The following GYG2 variants were observed in gnomAD, a reference collection of about 807,000 sequenced individuals.
GYG2 encodes glycogenin 2.
GYG2 carries 29 observed loss-of-function variants against 29.4 expected under a neutral mutation model. That is an observed-to-expected ratio of 0.99 (90% CI 0.74 to 1.35). The LOEUF (loss-of-function observed/expected upper bound fraction) is 1.35, where lower values mean the gene tolerates loss of function less well. Ranked by LOEUF, GYG2 falls within the 40% of genes most tolerant of loss-of-function variation. GYG2 has a pLI of 0.00. For missense variants in GYG2, 370 were observed against 385.7 expected (o/e 0.96, Z 0.34); for synonymous variants, 167 against 172.3 (o/e 0.97, Z 0.24).
At chrX:2,861,781 C>G (rs2088175678) in intron 8 of GYG2, 59 bp downstream of exon 8, 1 of 925,190 alleles carries the variant, frequency 1.1e-6, no homozygotes, top group South Asian at 2.1e-5. Context: ...AGTGAGAGAG[C>G]AGAGAGAGCC....
At chrX:2,857,297 T>A (rs930471361) in intron 6 of GYG2, among the ~76,000 whole-genome samples, 1 of 109,024 alleles carries the variant, frequency 9.2e-6, no homozygotes, top group African/African-American at 3.3e-5. Flanking sequence ...ATCTTATCTA[T>A]CTATCTATCT....
At chrX:2,831,485 A>G (rs1404771185) in intron 2 of GYG2, among the ~76,000 whole-genome samples, 1 of 111,745 alleles carries the variant, frequency 8.9e-6, no homozygotes, top group Non-Finnish European at 1.9e-5. Flanking sequence ...AGAGATGAAA[A>G]TTGTCGGGGC....
intron 2 of GYG2, among the ~76,000 whole-genome samples, chrX:2,832,463 T>C (rs1189239761): frequency 2.7e-5 from 3 of 112,062 alleles, no homozygotes; most frequent in African/African-American, 9.7e-5. Flanking sequence ...TGGGCAGGGC[T>C]GGTTCCTCCT....
rs746751288 is a variant in GYG2, at chrX:2,876,675, G to A, written c.1144-525G>A. Among the ~76,000 whole-genome samples the A allele has an allele frequency of 3.7e-3, 414 of 110,716 alleles. 3 individuals are homozygous for A. The highest frequency in any genetic ancestry group is 0.011 in the African/African-American group (343 of 30,501). On this transcript the variant is annotated intron_variant, in intron 9 of 10. Coordinates refer to ENST00000398806, the MANE Select transcript of GYG2 (RefSeq NM_001079855.2). ...AAAAAAGTTAATTATAGTGCCGGCC[G>A]CGGTGGCTCACGCCTGTAATCCCAG... is the stretch of plus-strand genomic sequence containing the variant.
chrX:2,878,123 C>T (rs1421342820), intron 10 of GYG2: 3 of 745,498 alleles, frequency 4.0e-6, no homozygotes, highest in South Asian at 6.8e-5. Context: ...TCAGCATGTT[C>T]CATCCTTGTG....
rs531854502 is a variant in GYG2 at position 2,878,169 on chromosome X, T to G, written c.1251+862T>G. On this transcript the variant is annotated intron_variant, in intron 10 of 10. Coordinates refer to ENST00000398806, the MANE Select transcript of GYG2 (RefSeq NM_001079855.2). ...GAGGCTCTGTGAATTGAATCTGTAG[T>G]TATTAGTGAGTGACAGGGCATCAGT... The G allele has an allele frequency of 1.4e-4, 101 of 739,742 alleles. No individual in the cohort carries two copies. The South Asian group carries it at 5.4e-3, about 40-fold the overall frequency. 61.0% of individuals were successfully genotyped at this position (739,742 alleles called of 1,213,427 possible). A position where few individuals can be genotyped will look rare whatever the true frequency, so the allele number is the denominator to read the frequency against.
chrX:2,873,096 G>A (rs73435430), intron 8 of GYG2, among the ~76,000 whole-genome samples: 3,315 of 111,507 alleles, frequency 0.03, 120 homozygotes, highest in African/African-American at 0.1. Context: ...GCAGTAAGAG[G>A]GAAGGCTCAA....
At chrX:2,873,607 A>C in intron 8 of GYG2, among the ~76,000 whole-genome samples, 1 of 111,042 alleles carries the variant, frequency 9.0e-6, no homozygotes, top group Middle Eastern at 4.6e-3. Flanking sequence ...TCTCATAGCA[A>C]ATTTTAAGTA....
chrX:2,840,081 G>A (rs1371393166), intron 2 of GYG2, among the ~76,000 whole-genome samples: 1 of 112,409 alleles, frequency 8.9e-6, no homozygotes, highest in African/African-American at 3.2e-5. Flanking sequence ...GCATGGAAAG[G>A]TGAAGCTCTA....
At chrX:2,830,036 G>C (rs1355432002) in intron 1 of GYG2, 25 bp from the exon 2 acceptor site, 1 of 509,922 alleles carries the variant, frequency 2.0e-6, no homozygotes, top group Non-Finnish European at 3.4e-6. Context: ...CGAGGGTGTC[G>C]AGACTGCCAC....
At chrX:2,855,261 G>A in intron 5 of GYG2, 106 bp downstream of exon 5, 1 of 674,587 alleles carries the variant, frequency 1.5e-6, no homozygotes. Context: ...CTCGCTCAGC[G>A]ACAGGGATGC....
At chrX:2,867,301 A>AC (rs397789366) in intron 8 of GYG2, among the ~76,000 whole-genome samples, 49 of 109,763 alleles carry the variant, frequency 4.5e-4, no homozygotes, top group Non-Finnish European at 6.9e-4. Context: ...AGGCTTCAAA[A>AC]CATCAATGGA....
At chrX:2,853,042 T>TC (rs947932145) in intron 3 of GYG2, 1 of 110,997 alleles carries the variant, frequency 9.0e-6, no homozygotes, top group Admixed American at 9.7e-5. Context: ...TGAGACAGAG[T>TC]CCCACTCTGT....
Position 2,844,788 on chromosome X carries a change from A to G in GYG2, c.149+1434A>G, listed in dbSNP as rs200956462. On this transcript the variant is annotated intron_variant, in intron 3 of 10. Transcript: ENST00000398806. ...TGTGTATATGTACACGTATGCATAT[A>G]TATATACATGTATGTGTATATATTT... Among the ~76,000 whole-genome samples, 10 of 47,556 alleles carry G rather than the reference A, an allele frequency of 2.1e-4. 3 individuals are homozygous for G. The highest frequency in any genetic ancestry group is 3.2e-4 in the Non-Finnish European group (8 of 25,184). 41.3% of individuals were successfully genotyped at this position (47,556 alleles called of 115,157 possible).
intron 2 of GYG2, among the ~76,000 whole-genome samples, chrX:2,840,584 T>C (rs1415459043): frequency 1.8e-5 from 2 of 111,901 alleles, no homozygotes; most frequent in Non-Finnish European, 3.8e-5. Context: ...GTAGAGATAA[T>C]TTATAATCTA....
chrX:2,853,767 A>G, intron 3 of GYG2: 1 of 380,987 alleles, frequency 2.6e-6, no homozygotes, highest in Non-Finnish European at 4.5e-6. Flanking sequence ...GCATTCAAGC[A>G]TGCAGAGGCT....
chrX:2,844,945 T>G (rs2087631402), intron 3 of GYG2, among the ~76,000 whole-genome samples: 1 of 105,199 alleles, frequency 9.5e-6, no homozygotes. Flanking sequence ...CAACTATATA[T>G]TTTTATATAC....
intron 8 of GYG2, among the ~76,000 whole-genome samples, chrX:2,875,376 C>T (rs748359341): frequency 2.7e-5 from 3 of 111,392 alleles, no homozygotes; most frequent in Non-Finnish European, 1.9e-5. Context: ...GATTTGTTCT[C>T]TGTTTGGTTT....
At chrX:2,872,962 G>T (rs1204932778) in intron 8 of GYG2, among the ~76,000 whole-genome samples, 1 of 112,112 alleles carries the variant, frequency 8.9e-6, no homozygotes, top group East Asian at 2.8e-4. Flanking sequence ...TGCAGTTATT[G>T]CATTCGTCAT....
Sources: allele counts gnomAD v4.1 joint callset (sites outside exome capture counted in the v4.1 genomes callset), GRCh38; gene constraint gnomAD v4.1.1; transcripts MANE v1.5; gene names NCBI Gene and HGNC (gene_info 2026-07-23, HGNC 2026-07-21).